TSFM: variants seen among roughly 807,000 people sequenced by gnomAD.
TSFM encodes Ts translation elongation factor, mitochondrial.
TSFM carries 29 observed loss-of-function variants against 33.4 expected under a neutral mutation model. The observed-to-expected ratio is 0.87, with a 90% CI of 0.65 to 1.18. TSFM has a LOEUF of 1.18. TSFM is among the 50% of genes most tolerant of loss of function. The pLI, the probability that TSFM is intolerant of heterozygous loss-of-function variation, is 0.00. For synonymous variants in TSFM, 178 were observed against 163.5 expected (o/e 1.09, Z -0.68); for missense variants, 394 against 395.6 (o/e 1.00, Z 0.04).
At chr12:57,797,874 T>G (rs770048756), downstream of TSFM, 10 of 1,607,158 alleles carry the variant, frequency 6.2e-6, no homozygotes, top group East Asian at 2.2e-4. Context: ...GGTATAGGCC[T>G]TCTTGCTTTA....
rs929566019 is a variant in TSFM at position 57,791,464 on chromosome 12, A to T, written c.484-1522A>T. On this transcript the variant is annotated intron_variant, in intron 4 of 5. Transcript: ENST00000652027. ...TCCCTTTATTTAGATAACCAGTGTC[A>T]TTGGATTGTGGTTATCCTTTCAGTA... Among the ~76,000 whole-genome samples, 5 of 152,186 alleles carry T rather than the reference A, an allele frequency of 3.3e-5. No individual in the cohort carries two copies. In the East Asian group the frequency reaches 9.6e-4, roughly 29 times the overall value.
At chr12:57,785,524 G>A (rs1277423018) in intron 2 of TSFM, among the ~76,000 whole-genome samples, 2 of 152,170 alleles carry the variant, frequency 1.3e-5, no homozygotes, top group East Asian at 3.8e-4. Context: ...CTGGAGTGCA[G>A]TGGCGCGATA....
At chr12:57,802,240 G>T (rs995870961), downstream of TSFM, 6 of 1,614,076 alleles carry the variant, frequency 3.7e-6, no homozygotes, top group African/African-American at 8.0e-5. Flanking sequence ...ATCAGGATTG[G>T]TGTGTCGGGA....
At chr12:57,784,116 C>T (rs915908418) in intron 2 of TSFM, 16 of 702,492 alleles carry the variant, frequency 2.3e-5, no homozygotes, top group African/African-American at 3.5e-5. Context: ...TCCTAGGCTA[C>T]AAACCGTTAC....
intron 2 of TSFM, among the ~76,000 whole-genome samples, chr12:57,785,646 A>G (rs1218995126): frequency 6.6e-6 from 1 of 152,202 alleles, no homozygotes; most frequent in Non-Finnish European, 1.5e-5. Context: ...GTATTATAGT[A>G]AATACATAAG....
intron 5 of TSFM, among the ~76,000 whole-genome samples, chr12:57,794,935 A>G (rs1955710854): frequency 6.6e-6 from 1 of 151,484 alleles, no homozygotes; most frequent in Non-Finnish European, 1.5e-5. Context: ...AATTTTTTGT[A>G]TTTTTAGTAG....
intron 4 of TSFM, among the ~76,000 whole-genome samples, chr12:57,792,636 C>T (rs960480576): frequency 7.9e-5 from 12 of 151,732 alleles, no homozygotes; most frequent in African/African-American, 9.7e-5. Flanking sequence ...TCTGTTTCCC[C>T]GGCTGGAGTG....
intron 4 of TSFM, among the ~76,000 whole-genome samples, chr12:57,788,325 G>C (rs1955616424): frequency 6.6e-6 from 1 of 151,598 alleles, no homozygotes; most frequent in African/African-American, 2.4e-5. Flanking sequence ...TGTCACTCAG[G>C]CTGGAGTGCA....
Position 57,796,397 on chromosome 12 carries a change from C to G in TSFM, c.792C>G (p.Ala264=). ...RRLGQHVVGM[A]PLSVGSLDDE... is the part of the protein sequence containing the mutation. ...TTGGGCAGCATGTGGTGGGCATGGC[C>G]CCCCTCTCTGTTGGCTCCCTGGACG... Residue 264 remains alanine (A), a synonymous_variant, in exon 6 of 6, where the codon GCC becomes GCG. Transcript: ENST00000652027. 1 of 1,602,424 alleles carries G rather than the reference C, an allele frequency of 6.2e-7. No individual in the cohort carries two copies. Among genetic ancestry groups the G allele is most frequent in the African/African-American group, 1.3e-5 (1 of 74,848 alleles).
At position 57,789,364 on chromosome 12, in the gene TSFM, A is replaced by G. The variant is rs185637106; in HGVS notation, c.483+2202A>G. Among the ~76,000 whole-genome samples the G allele has an allele frequency of 9.2e-5, 14 of 152,332 alleles. No individual in the cohort carries two copies. In the East Asian group the frequency reaches 1.7e-3, roughly 19 times the overall value. On this transcript the variant is annotated intron_variant, in intron 4 of 5. Transcript: ENST00000652027. ...CTCGTAAAAACAAGGACATTGTTAT[A>G]TAACCACAGGACAGTGATCACATTT...
At chr12:57,801,003 CAA>C, downstream of TSFM, 2 of 611,060 alleles carry the variant, frequency 3.3e-6, no homozygotes, top group Non-Finnish European at 5.5e-6. Flanking sequence ...CTATTGATTA[CAA>C]AAAGTCTTTA....
intron 3 of TSFM, 110 bp from the exon 4 acceptor site, chr12:57,786,930 T>C: frequency 8.1e-7 from 1 of 1,240,048 alleles, no homozygotes; most frequent in Non-Finnish European, 1.1e-6. Context: ...TTTTTTTCCG[T>C]TGAGTCTGTA....
At chr12:57,802,423 T>G (rs949853812), downstream of TSFM, 1 of 1,481,006 alleles carries the variant, frequency 6.8e-7, no homozygotes, top group Non-Finnish European at 9.2e-7. Flanking sequence ...CACATTACCC[T>G]ATCTTTCCCC....
downstream of TSFM, chr12:57,802,149 T>C (rs1429221441): frequency 1.2e-6 from 2 of 1,613,378 alleles, no homozygotes; most frequent in African/African-American, 1.3e-5. Context: ...TTCCCTACTC[T>C]CTTTTCTTAC....
rs1278635672 is a variant in TSFM at position 57,787,055 on chromosome 12, G to A, written c.376G>A (p.Asp126Asn). The A allele has an allele frequency of 3.1e-6, 5 of 1,613,438 alleles. No individual in the cohort carries two copies. The African/African-American group carries it at 5.3e-5, about 17-fold the overall frequency. The stretch of plus-strand genomic sequence containing the variant: ...GTTCCCACAGGTAAACTGTGAGACA[G>A]ATTTTGTTTCTAGAAATTTAAAATT... ...TVLVEVNCETDFVSRNLKFQL... is the reference protein window; with the variant it reads ...TVLVEVNCETNFVSRNLKFQL... The change falls in exon 4 of 6, where the codon GAT becomes AAT. Residue 126 changes from aspartate to asparagine, a missense_variant. Transcript: ENST00000652027.
intron 4 of TSFM, among the ~76,000 whole-genome samples, chr12:57,788,276 T>TA (rs1306833492): frequency 6.6e-6 from 1 of 151,816 alleles, no homozygotes; most frequent in Non-Finnish European, 1.5e-5. Flanking sequence ...CCTTTTTTTT[T>TA]TTATTTTTGT....
chr12:57,799,734 C>G (rs1955807967), downstream of TSFM: 1 of 1,606,350 alleles, frequency 6.2e-7, no homozygotes, highest in African/African-American at 1.3e-5. Flanking sequence ...ATTTGCTGAG[C>G]TGAGTTTTTT....
chr12:57,787,290 G>A lies in TSFM; in HGVS notation c.483+128G>A. 5.0e-6 allele frequency: 5 copies of A among 993,530 alleles called. No individual in the cohort carries two copies. In the South Asian group the frequency reaches 8.3e-5, roughly 17 times the overall value. 61.5% of individuals were successfully genotyped at this position (993,530 alleles called of 1,614,324 possible). On this transcript the variant is annotated intron_variant, in intron 4 of 5. Coordinates refer to ENST00000652027, the MANE Select transcript of TSFM (RefSeq NM_005726.6). ...ATCTCTGCTTAAATGCTATCTCTTT[G>A]CATAGAATTACCCTTCCCCCGTTGC... is the stretch of plus-strand genomic sequence containing the variant.
Position 57,796,632 on chromosome 12 carries a change from C to T in TSFM, c.*49C>T. On this transcript the variant is annotated 3_prime_UTR_variant, in exon 6 of 6. Transcript: ENST00000652027. ...AGGAATATTTACTTTTAGCTCTGGA[C>T]ATCATTACAAAAAGGAATATTTCCC... is the stretch of plus-strand genomic sequence containing the variant. 7.6e-7 allele frequency: 1 copy of T among 1,307,552 alleles called. No individual in the cohort carries two copies. The highest frequency in any genetic ancestry group is 9.8e-7 in the Non-Finnish European group (1 of 1,019,978). The allele number at this position is 1,307,552 out of a possible 1,614,324, so 81.0% of individuals were successfully genotyped here.
Sources: gnomAD v4.1 joint callset for allele counts (sites outside exome capture counted in the v4.1 genomes callset) on GRCh38, gnomAD v4.1.1 for gene constraint, MANE v1.5 for transcripts, NCBI Gene and HGNC (gene_info 2026-07-23, HGNC 2026-07-21) for gene names.